The following SDK2 variants were observed in gnomAD, a reference collection of about 807,000 sequenced individuals.
SDK2 encodes protein sidekick-2.
Under a neutral mutation model 253.9 loss-of-function variants are expected in SDK2, and 105 were observed. The observed-to-expected ratio is 0.41, with a 90% CI of 0.35 to 0.49. The LOEUF (loss-of-function observed/expected upper bound fraction) is 0.49, where lower values mean the gene tolerates loss of function less well. SDK2 is among the 20% of genes least tolerant of loss of function. The probability of loss-of-function intolerance (pLI) is 0.06; values close to 1 mark genes in which losing one functional copy is unlikely to be tolerated. For missense variants in SDK2, 2,608 were observed against 3,003.0 expected (o/e 0.87, Z 3.07); for synonymous variants, 1,249 against 1,234.9 (o/e 1.01, Z -0.24).
chr17:73,623,365 C>G (rs555717918), intron 1 of SDK2, among the ~76,000 whole-genome samples: 34 of 152,248 alleles, frequency 2.2e-4, no homozygotes, highest in African/African-American at 6.0e-4. Context: ...TGGGGTTCCC[C>G]CTCTCTGTTC....
intron 40 of SDK2, chr17:73,357,714 GCAGC>G: frequency 3.0e-6 from 1 of 336,014 alleles, no homozygotes; most frequent in Non-Finnish European, 5.5e-6. Context: ...GCTTCGAGAG[GCAGC>G]CAGGGTCTTC....
chr17:73,553,611 TG>T (rs1414452018), intron 1 of SDK2, among the ~76,000 whole-genome samples: 1 of 152,112 alleles, frequency 6.6e-6, no homozygotes, highest in African/African-American at 2.4e-5. Context: ...GGGTCACCCC[TG>T]AGCCACTACC....
chr17:73,382,347 A>G (rs958375723), intron 33 of SDK2, among the ~76,000 whole-genome samples: 2 of 152,090 alleles, frequency 1.3e-5, no homozygotes, highest in Non-Finnish European at 2.9e-5. Context: ...GTCTTCTACT[A>G]CGAATCAGTC....
At chr17:73,484,248 C>T (rs2063756616) in intron 2 of SDK2, among the ~76,000 whole-genome samples, 2 of 152,122 alleles carry the variant, frequency 1.3e-5, no homozygotes, top group South Asian at 2.1e-4. Flanking sequence ...CAAATTAAGA[C>T]AAGCTGATAA....
At chr17:73,459,850 T>G (rs2063552280) in intron 3 of SDK2, among the ~76,000 whole-genome samples, 1 of 152,176 alleles carries the variant, frequency 6.6e-6, no homozygotes, top group Non-Finnish European at 1.5e-5. Flanking sequence ...TTTGACTTTG[T>G]CAAGCCTTAA....
At chr17:73,549,181 G>A (rs1254140040) in intron 1 of SDK2, among the ~76,000 whole-genome samples, 2 of 152,214 alleles carry the variant, frequency 1.3e-5, no homozygotes, top group Non-Finnish European at 2.9e-5. Flanking sequence ...AAGCTCTTAG[G>A]CAGGCAGAGA....
intron 1 of SDK2, among the ~76,000 whole-genome samples, chr17:73,531,290 G>C (rs77814525): frequency 1.3e-5 from 2 of 152,156 alleles, no homozygotes; most frequent in Non-Finnish European, 2.9e-5. Flanking sequence ...GTCTCTGCAA[G>C]CTTGTAGAGG....
chr17:73,367,277 G>A (rs534786608), intron 37 of SDK2, among the ~76,000 whole-genome samples: 38 of 152,188 alleles, frequency 2.5e-4, no homozygotes, highest in African/African-American at 7.9e-4. Flanking sequence ...CCAAAGTGCT[G>A]GGATTACAGG....
chr17:73,379,548 G>T lies in SDK2; in HGVS notation c.4764C>A (p.Asn1588Lys), dbSNP rs2062813394. The change falls in exon 35 of 45, where the codon AAC (asparagine) becomes AAA (lysine). Residue 1588 changes from asparagine to lysine, a missense_variant and splice_region_variant. This residue lies in a region of SDK2 where 1,103 missense variants were observed against 1,143.9 expected (regional missense o/e 0.96). Transcript: ENST00000392650. The surrounding 1 kb of genome is among the most constrained non-coding windows in gnomAD (Gnocchi z 4.5). ...TCTCGTACCGCCTGTGCTTGTTCAG[G>T]TCTGTGGGGGAGAGTGGGGGAGGGG... is the stretch of plus-strand genomic sequence containing the variant. Reference protein sequence around the residue: ...RPSLTQYELDNLNKHRRYEIR... With the variant: ...RPSLTQYELDKLNKHRRYEIR... 1.9e-6 allele frequency: 3 copies of T among 1,604,326 alleles called. No homozygotes were observed. The highest frequency in any genetic ancestry group is 1.3e-5 in the African/African-American group (1 of 74,676).
In SDK2 at chr17:73,511,439, C is replaced by T. The variant is rs2063979672; in HGVS notation, c.65-3842G>A. 6.6e-6 allele frequency among the ~76,000 whole-genome samples: 1 copy of T among 152,220 alleles called. No homozygotes were observed. Among genetic ancestry groups the T allele is most frequent in the Non-Finnish European group, 1.5e-5 (1 of 68,032 alleles). On this transcript the variant is annotated intron_variant, in intron 1 of 44. Coordinates refer to ENST00000392650, the MANE Select transcript of SDK2 (RefSeq NM_001144952.2). The surrounding 1 kb of genome is among the most constrained non-coding windows in gnomAD (Gnocchi z 4.9). ...AATTTCCTCCCAGGTCCGCGTTTGCCAGTTCATTCTTCAAGCCCTCCCGGG... is the reference window on the plus strand; with the variant it reads ...AATTTCCTCCCAGGTCCGCGTTTGCTAGTTCATTCTTCAAGCCCTCCCGGG...
At chr17:73,508,613 T>A (rs2063953664) in intron 1 of SDK2, among the ~76,000 whole-genome samples, 1 of 152,188 alleles carries the variant, frequency 6.6e-6, no homozygotes, top group African/African-American at 2.4e-5. Context: ...GGCTCTACCA[T>A]ATGCTCGTCT....
intron 1 of SDK2, among the ~76,000 whole-genome samples, chr17:73,614,364 A>G (rs1236885775): frequency 1.3e-5 from 2 of 151,992 alleles, no homozygotes; most frequent in Non-Finnish European, 2.9e-5. Context: ...TTCCTAAAGG[A>G]CTTGATGACA....
intron 3 of SDK2, among the ~76,000 whole-genome samples, chr17:73,462,928 C>T (rs1031529921): frequency 5.9e-5 from 9 of 152,210 alleles, no homozygotes; most frequent in Admixed American, 5.9e-4. Flanking sequence ...TGTATTTATA[C>T]ATACATATGT....
At chr17:73,439,319 T>A (rs1380823594) in intron 6 of SDK2, among the ~76,000 whole-genome samples, 1 of 152,218 alleles carries the variant, frequency 6.6e-6, no homozygotes, top group Non-Finnish European at 1.5e-5. Context: ...TAAATTACCA[T>A]GTCTCAGGTA....
At chr17:73,407,427 G>A (rs80233045) in intron 18 of SDK2, among the ~76,000 whole-genome samples, 5,515 of 152,052 alleles carry the variant, frequency 0.036, 216 homozygotes, top group East Asian at 0.15. Flanking sequence ...TAATGGTAAT[G>A]GATTGAAACA....
rs558219927 is a variant in SDK2 at position 73,433,932 on chromosome 17, G to A, written c.1196-84C>T. ...AGGGCCAGGGGCCTCCAAGCCCACC[G>A]AGGGCCAGGCCCTCATCCTCCCCCT... On this transcript the variant is annotated intron_variant, in intron 9 of 44. Coordinates refer to ENST00000392650, the MANE Select transcript of SDK2 (RefSeq NM_001144952.2). 41 of 921,554 alleles carry A rather than the reference G, an allele frequency of 4.4e-5. No individual in the cohort carries two copies. In the African/African-American group the frequency reaches 5.8e-4, roughly 13 times the overall value. 57.1% of individuals were successfully genotyped at this position (921,554 alleles called of 1,614,324 possible). A position where few individuals can be genotyped will look rare whatever the true frequency, so the allele number is the denominator to read the frequency against.
Position 73,467,708 on chromosome 17 carries a change from G to T in SDK2, c.331+4404C>A, listed in dbSNP as rs75597898. Among the ~76,000 whole-genome samples the T allele has an allele frequency of 2.0e-4, 30 of 152,290 alleles. No individual in the cohort carries two copies. Among genetic ancestry groups the T allele is most frequent in the African/African-American group, 7.2e-4 (30 of 41,566 alleles). On this transcript the variant is annotated intron_variant, in intron 3 of 44. Coordinates refer to ENST00000392650, the MANE Select transcript of SDK2 (RefSeq NM_001144952.2). This position sits in a 1 kb window ranked among gnomAD's most constrained non-coding sequence, Gnocchi z 4.1. ...CCTTCCTTAGCTTGTCAGGAACTGC[G>T]TTCTTCTCAAGGGTCGGAAGGACTT... is the stretch of plus-strand genomic sequence containing the variant.
At chr17:73,607,326 A>G (rs2045919776) in intron 1 of SDK2, among the ~76,000 whole-genome samples, 1 of 152,162 alleles carries the variant, frequency 6.6e-6, no homozygotes, top group African/African-American at 2.4e-5. Context: ...ATTGGCACAT[A>G]TCTTAGCTGG....
intron 1 of SDK2, chr17:73,518,498 C>CG (rs2064049230): frequency 6.6e-6 from 1 of 152,194 alleles, no homozygotes; most frequent in African/African-American, 2.4e-5. Flanking sequence ...TTCTCATAGC[C>CG]GGGGCCTCCT....
Sources: gnomAD v4.1 joint callset for allele counts (sites outside exome capture counted in the v4.1 genomes callset) on GRCh38, gnomAD v4.1.1 for gene constraint, gnomAD v4.1.1 regional missense constraint, Gnocchi (gnomAD v3.1) non-coding constraint, MANE v1.5 for transcripts, NCBI Gene and HGNC (gene_info 2026-07-23, HGNC 2026-07-21) for gene names.